SYT10: variants seen among roughly 807,000 people sequenced by gnomAD.
The protein encoded by SYT10 is synaptotagmin 10, also known as synaptotagmin-10.
A neutral mutation model predicts 51.1 loss-of-function variants in SYT10; 31 were observed. The observed-to-expected ratio is 0.61, with a 90% CI of 0.46 to 0.82. The LOEUF is 0.82. Ranked by LOEUF, SYT10 falls within the 40% of genes least tolerant of loss-of-function variation. The pLI, the probability that SYT10 is intolerant of heterozygous loss-of-function variation, is 0.00. For missense variants in SYT10, 603 were observed against 634.0 expected, an observed-to-expected ratio of 0.95 and a Z score of 0.53; for synonymous variants, 233 against 225.9, an observed-to-expected ratio of 1.03 and a Z score of -0.28.
intron 2 of SYT10, among the ~76,000 whole-genome samples, chr12:33,409,514 TTTTC>T (rs1490449249): frequency 7.1e-6 from 1 of 140,500 alleles, no homozygotes; most frequent in East Asian, 2.1e-4. Flanking sequence ...CATTGATTTC[TTTTC>T]TTTTTTTTTT....
chr12:33,379,668 T>C (rs1162082012), intron 6 of SYT10, among the ~76,000 whole-genome samples, 164 bp downstream of exon 6: 1 of 151,534 alleles, frequency 6.6e-6, no homozygotes, highest in African/African-American at 2.4e-5. Flanking sequence ...CACAGAACTT[T>C]GAATATTAAA....
At chr12:33,404,111 C>A (rs545947746) in intron 3 of SYT10, among the ~76,000 whole-genome samples, 1 of 152,078 alleles carries the variant, frequency 6.6e-6, no homozygotes, top group African/African-American at 2.4e-5. Context: ...TAAAGGTAGC[C>A]CCAAAGATAG....
chr12:33,378,767 G>A (rs1591979297), intron 6 of SYT10, among the ~76,000 whole-genome samples: 1 of 151,546 alleles, frequency 6.6e-6, no homozygotes, highest in Non-Finnish European at 1.5e-5. Context: ...GAGAATACAC[G>A]TCTATACTTA....
intron 2 of SYT10, 114 bp from the exon 3 acceptor site, chr12:33,407,470 TCTAC>T: frequency 2.0e-5 from 22 of 1,074,632 alleles, no homozygotes; most frequent in Non-Finnish European, 2.9e-5. Context: ...GATATCTATA[TCTAC>T]ATAGATAGAC....
At chr12:33,435,851 A>C (rs1866633782) in intron 1 of SYT10, among the ~76,000 whole-genome samples, 2 of 152,186 alleles carry the variant, frequency 1.3e-5, no homozygotes, top group Admixed American at 1.3e-4. Flanking sequence ...CTTTAATAAA[A>C]TTATTTCCCA....
intron 1 of SYT10, among the ~76,000 whole-genome samples, chr12:33,436,380 T>C (rs76620068): frequency 0.025 from 3,785 of 152,240 alleles, 163 homozygotes; most frequent in African/African-American, 0.085. Context: ...ACTCAAAATA[T>C]CTGATATTCT....
In SYT10 at chr12:33,439,625, G is replaced by A. The variant is rs1866668370; in HGVS notation, c.-103C>T. 7 of 1,412,950 alleles carry A rather than the reference G, an allele frequency of 5.0e-6. No homozygotes were observed. In the East Asian group the frequency reaches 9.7e-5, roughly 20 times the overall value. 87.5% of individuals were successfully genotyped at this position (1,412,950 alleles called of 1,614,324 possible). A position where few individuals can be genotyped will look rare whatever the true frequency, so the allele number is the denominator to read the frequency against. On this transcript the variant is annotated 5_prime_UTR_variant, in exon 1 of 7. Transcript: ENST00000228567. Reference sequence around the variant, plus strand: ...GCGCCCTAAGCCATAGTCCGCCCGCGGTGACTTTGGCTGGAGATTGCGCCG... The same window carrying A: ...GCGCCCTAAGCCATAGTCCGCCCGCAGTGACTTTGGCTGGAGATTGCGCCG...
intron 1 of SYT10, among the ~76,000 whole-genome samples, chr12:33,435,673 A>G (rs1866632653): frequency 6.6e-6 from 1 of 152,206 alleles, no homozygotes; most frequent in Non-Finnish European, 1.5e-5. Flanking sequence ...TGATTAAAAA[A>G]TGATAACTCA....
intron 3 of SYT10, among the ~76,000 whole-genome samples, chr12:33,396,508 T>C (rs961330034): frequency 1.3e-5 from 2 of 152,224 alleles, no homozygotes; most frequent in African/African-American, 2.4e-5. Flanking sequence ...TAAGTATTTA[T>C]ATTTTAAATT....
intron 3 of SYT10, 77 bp downstream of exon 3, chr12:33,406,712 G>A (rs528959573): frequency 1.4e-4 from 175 of 1,244,266 alleles, no homozygotes; most frequent in African/African-American, 7.1e-4. Flanking sequence ...GGCTTATTCC[G>A]ATAATTTGGG....
intron 2 of SYT10, among the ~76,000 whole-genome samples, chr12:33,414,909 A>G (rs573481264): frequency 6.6e-6 from 1 of 152,206 alleles, no homozygotes; most frequent in Non-Finnish European, 1.5e-5. Context: ...TCACTTTCAA[A>G]TATTTACTAC....
intron 2 of SYT10, among the ~76,000 whole-genome samples, chr12:33,416,861 T>G (rs1006555177): frequency 6.6e-6 from 1 of 152,100 alleles, no homozygotes; most frequent in Non-Finnish European, 1.5e-5. Context: ...TTCTTAGAAG[T>G]GACAGGAGGT....
In SYT10 at chr12:33,407,360, A is replaced by C. The variant is rs1357260021; in HGVS notation, c.510-4T>G. On this transcript the variant is annotated splice_region_variant and splice_polypyrimidine_tract_variant and intron_variant, in intron 2 of 6. Transcript: ENST00000228567. Reference sequence around the variant, plus strand: ...GTGTCTTCGGAAGGAACTGTGGCTGAACACACACACATATACACAAAATCA... The same window carrying C: ...GTGTCTTCGGAAGGAACTGTGGCTGCACACACACACATATACACAAAATCA... The C allele has an allele frequency of 6.2e-7, 1 of 1,601,116 alleles. No individual in the cohort carries two copies. Among genetic ancestry groups the C allele is most frequent in the African/African-American group, 1.3e-5 (1 of 74,892 alleles).
chr12:33,424,660 A>AT (rs970446185), intron 2 of SYT10, among the ~76,000 whole-genome samples: 5 of 151,956 alleles, frequency 3.3e-5, no homozygotes, highest in South Asian at 2.1e-4. Context: ...TCCCAAAGAC[A>AT]TTTTTTCCCC....
chr12:33,423,664 GTA>G (rs1286933569), intron 2 of SYT10, among the ~76,000 whole-genome samples: 2 of 152,112 alleles, frequency 1.3e-5, no homozygotes, highest in African/African-American at 2.4e-5. Context: ...TTTTAATTGA[GTA>G]TGATGAACAG....
intron 2 of SYT10, among the ~76,000 whole-genome samples, chr12:33,423,550 G>C (rs1293636283): frequency 6.6e-6 from 1 of 152,080 alleles, no homozygotes; most frequent in African/African-American, 2.4e-5. Flanking sequence ...TAAGGGTTTT[G>C]AGAACTAGAA....
chr12:33,401,679 A>C (rs1866307948), intron 3 of SYT10, among the ~76,000 whole-genome samples: 1 of 152,194 alleles, frequency 6.6e-6, no homozygotes, highest in Non-Finnish European at 1.5e-5. Flanking sequence ...GTCTACAAAA[A>C]GTAGCTAACA....
Position 33,385,241 on chromosome 12 carries a change from CG to C in SYT10, c.1127del (p.Thr376ArgfsTer5). 6.2e-7 allele frequency: 1 copy of C among 1,613,702 alleles called. No individual in the cohort carries two copies. The highest frequency in any genetic ancestry group is 8.5e-7 in the Non-Finnish European group (1 of 1,179,782). On this transcript the variant is annotated frameshift_variant, in exon 4 of 7. Coordinates refer to ENST00000228567, the MANE Select transcript of SYT10 (RefSeq NM_198992.4). LOFTEE classifies it high-confidence loss of function. ...EIMFSLCYLP[T>X]AGRMTLTVIK... Reference sequence around the variant, plus strand: ...TGACTGTCAATGTCATACGCCCAGCCGTCGGTAGGTAACAAAGGGAAAACAT... The same window carrying C: ...TGACTGTCAATGTCATACGCCCAGCCTCGGTAGGTAACAAAGGGAAAACAT...
chr12:33,387,289 C>T (rs1250335423), intron 3 of SYT10, among the ~76,000 whole-genome samples: 8 of 152,162 alleles, frequency 5.3e-5, no homozygotes, highest in South Asian at 2.1e-4. Context: ...TTTCTACTTT[C>T]TAAAAGTGAG....
Sources: allele counts gnomAD v4.1 joint callset (sites outside exome capture counted in the v4.1 genomes callset), GRCh38; gene constraint gnomAD v4.1.1; transcripts MANE v1.5; gene names NCBI Gene and HGNC (gene_info 2026-07-23, HGNC 2026-07-21).